ACCSL: variants seen among roughly 807,000 people sequenced by gnomAD.
ACCSL encodes the protein 1-aminocyclopropane-1-carboxylate synthase homolog (inactive) like.
In ACCSL, 55 loss-of-function variants were observed where a neutral mutation model predicts 61.7. The ratio of observed to expected loss-of-function variants is 0.89; its 90% CI spans 0.72 to 1.12. The LOEUF is 1.12. ACCSL is among the 50% of genes most tolerant of loss of function. ACCSL has a pLI of 0.00. For missense variants in ACCSL, 632 were observed against 698.0 expected, an observed-to-expected ratio of 0.91 and a Z score of 1.07; for synonymous variants, 258 against 264.3, an observed-to-expected ratio of 0.98 and a Z score of 0.23.
At chr11:43,922,631 T>G in the ACCSL span, among the ~76,000 whole-genome samples, 1 of 152,206 alleles carries the variant, frequency 6.6e-6, no homozygotes, top group African/African-American at 2.4e-5. Flanking sequence ...TTAGACAAAT[T>G]CTCAGCCAAC....
chr11:43,967,363 G>C, the ACCSL span, among the ~76,000 whole-genome samples: 1 of 151,506 alleles, frequency 6.6e-6, no homozygotes, highest in Non-Finnish European at 1.5e-5. Flanking sequence ...ATTTTTAATA[G>C]AGACGGGGTT....
the ACCSL span, among the ~76,000 whole-genome samples, chr11:44,023,585 A>G: frequency 6.8e-6 from 1 of 147,422 alleles, no homozygotes; most frequent in African/African-American, 2.5e-5. Context: ...TCAATTCATT[A>G]TCTTTTCAAA....
chr11:43,966,839 C>T, the ACCSL span, among the ~76,000 whole-genome samples: 3 of 152,068 alleles, frequency 2.0e-5, no homozygotes, highest in African/African-American at 7.2e-5. Context: ...ACATCTATCA[C>T]CTTTTAGTTA....
chr11:44,016,926 C>G, the ACCSL span, among the ~76,000 whole-genome samples: 1 of 152,192 alleles, frequency 6.6e-6, no homozygotes. Context: ...AGAGACCCCT[C>G]CAGCACTGAG....
At chr11:43,991,878 C>A in the ACCSL span, among the ~76,000 whole-genome samples, 3 of 152,100 alleles carry the variant, frequency 2.0e-5, no homozygotes, top group Non-Finnish European at 4.4e-5. Flanking sequence ...CAGGCCACCC[C>A]AAGTGTCTCA....
the ACCSL span, among the ~76,000 whole-genome samples, chr11:43,959,686 C>T: frequency 0.053 from 8,045 of 152,248 alleles, 522 homozygotes; most frequent in Admixed American, 0.19. Context: ...GAGGGCCCTC[C>T]CAGCTTTAAG....
At chr11:44,011,275 C>G in the ACCSL span, among the ~76,000 whole-genome samples, 1 of 152,182 alleles carries the variant, frequency 6.6e-6, no homozygotes, top group East Asian at 1.9e-4. Flanking sequence ...AGGCCAGAAA[C>G]CCCCATGGCT....
upstream of ACCSL, among the ~76,000 whole-genome samples, chr11:44,047,168 G>T (rs967095393): frequency 6.6e-6 from 1 of 152,198 alleles, no homozygotes; most frequent in Non-Finnish European, 1.5e-5. Flanking sequence ...ACGCCCTCCA[G>T]GTGATTCTGA....
the ACCSL span, among the ~76,000 whole-genome samples, chr11:43,953,984 G>C: frequency 6.6e-6 from 1 of 152,066 alleles, no homozygotes; most frequent in South Asian, 2.1e-4. Context: ...CCCCTTTTCG[G>C]TAACCTGTCC....
chr11:44,001,687 G>A, the ACCSL span, among the ~76,000 whole-genome samples: 1 of 151,792 alleles, frequency 6.6e-6, no homozygotes, highest in Non-Finnish European at 1.5e-5. Flanking sequence ...AAATGTGGGT[G>A]GACAGGAGGA....
chr11:43,967,560 T>C, the ACCSL span, among the ~76,000 whole-genome samples: 1 of 152,194 alleles, frequency 6.6e-6, no homozygotes, highest in African/African-American at 2.4e-5. Context: ...TATCCATTTT[T>C]TGGCCTTCCT....
At chr11:43,963,992 C>A in the ACCSL span, among the ~76,000 whole-genome samples, 1 of 152,028 alleles carries the variant, frequency 6.6e-6, no homozygotes. Flanking sequence ...TACTTTCCAA[C>A]CTCTTGAGTT....
the ACCSL span, among the ~76,000 whole-genome samples, chr11:44,018,438 A>G: frequency 0.37 from 55,961 of 152,070 alleles, 10,949 homozygotes; most frequent in Admixed American, 0.41. Context: ...CAGGCAATAT[A>G]GTTGGTGCTC....
At chr11:44,049,528 G>T (rs1393607345) in intron 1 of ACCSL, among the ~76,000 whole-genome samples, 1 of 151,900 alleles carries the variant, frequency 6.6e-6, no homozygotes, top group Non-Finnish European at 1.5e-5. Flanking sequence ...GCCAGAGGGT[G>T]GAGGGTGACA....
At chr11:43,924,608 TC>T in the ACCSL span, among the ~76,000 whole-genome samples, 5 of 152,242 alleles carry the variant, frequency 3.3e-5, no homozygotes, top group Non-Finnish European at 7.3e-5. Context: ...CCAAACCCGT[TC>T]CTGCGGCACA....
rs1952685684 is a variant in ACCSL at position 44,058,474 on chromosome 11, T to C, written c.1470+15T>C. The C allele has an allele frequency of 1.9e-6, 3 of 1,614,088 alleles. No homozygotes were observed. In the Admixed American group the frequency reaches 5.0e-5, roughly 27 times the overall value. Reference sequence around the variant, plus strand: ...ACTTGAAAAAGGTGTGTTCTGGGAATGAGGACAGGTGTTCTTGGGCAGACC... The same window carrying C: ...ACTTGAAAAAGGTGTGTTCTGGGAACGAGGACAGGTGTTCTTGGGCAGACC... On this transcript the variant is annotated intron_variant, in intron 12 of 13. Coordinates refer to ENST00000378832, the MANE Select transcript of ACCSL (RefSeq NM_001031854.2).
the ACCSL span, among the ~76,000 whole-genome samples, chr11:44,019,316 T>C: frequency 2.6e-5 from 4 of 152,224 alleles, no homozygotes; most frequent in East Asian, 3.8e-4. Flanking sequence ...TGTTGGGTCA[T>C]ATAGTAACTC....
chr11:43,985,666 AG>A, the ACCSL span, among the ~76,000 whole-genome samples: 2 of 152,360 alleles, frequency 1.3e-5, no homozygotes, highest in Non-Finnish European at 2.9e-5. Flanking sequence ...CATGGCAAAC[AG>A]GAAAAGAGAA....
intron 8 of ACCSL, among the ~76,000 whole-genome samples, chr11:44,054,250 T>C (rs1337531254): frequency 6.6e-6 from 1 of 152,116 alleles, no homozygotes; most frequent in Non-Finnish European, 1.5e-5. Flanking sequence ...ACCTTCCATT[T>C]TCCATAAGAA....
Sources: allele counts gnomAD v4.1 joint callset (sites outside exome capture counted in the v4.1 genomes callset), GRCh38; gene constraint gnomAD v4.1.1; transcripts MANE v1.5; gene names NCBI Gene and HGNC (gene_info 2026-07-23, HGNC 2026-07-21).